Variants in POU6F2 observed in about 807,000 individuals in gnomAD.
The protein encoded by POU6F2 is POU domain, class 6, transcription factor 2.
Under a neutral mutation model 71.3 loss-of-function variants are expected in POU6F2, and 31 were observed. The ratio of observed to expected loss-of-function variants is 0.43; its 90% confidence interval spans 0.33 to 0.59. The LOEUF (loss-of-function observed/expected upper bound fraction) is 0.59. Among genes scored for constraint, POU6F2 ranks in the 20% least tolerant of loss-of-function variants. POU6F2 has a pLI of 0.04. For missense variants in POU6F2, 783 were observed against 856.8 expected, an observed-to-expected ratio of 0.91 and a Z score of 1.07; for synonymous variants, 347 against 355.7, an observed-to-expected ratio of 0.98 and a Z score of 0.27.
intron 2 of POU6F2, among the ~76,000 whole-genome samples, chr7:39,144,998 G>T (rs1447412685): frequency 6.6e-6 from 1 of 152,210 alleles, no homozygotes; most frequent in Non-Finnish European, 1.5e-5. Flanking sequence ...CTTCTGCAAT[G>T]AACGCTTTCA....
At chr7:39,257,863 C>G (rs545914702) in intron 4 of POU6F2, among the ~76,000 whole-genome samples, 10 of 151,828 alleles carry the variant, frequency 6.6e-5, no homozygotes, top group South Asian at 4.2e-4. Context: ...CACACTTACT[C>G]TACATTTTTC....
intron 7 of POU6F2, among the ~76,000 whole-genome samples, chr7:39,442,062 G>C (rs2237386): frequency 2.8e-4 from 43 of 152,044 alleles, no homozygotes; most frequent in Non-Finnish European, 5.6e-4. Flanking sequence ...ATCCAACCAC[G>C]AAAACAAACC....
At position 39,163,702 on chromosome 7, in the gene POU6F2, A is replaced by T. The variant is rs186230956; in HGVS notation, c.278-40533A>T. Among the ~76,000 whole-genome samples the T allele has an allele frequency of 1.6e-3, 249 of 152,348 alleles. 3 individuals are homozygous for T. The highest frequency in any genetic ancestry group is 5.6e-3 in the African/African-American group (232 of 41,582). ...GAAATGAAATCAGTATGTTGAAGAGATGTCTGCACTCCCATGTTCATTGTA... is the reference window on the plus strand; with the variant it reads ...GAAATGAAATCAGTATGTTGAAGAGTTGTCTGCACTCCCATGTTCATTGTA... On this transcript the variant is annotated intron_variant, in intron 2 of 9. Transcript: ENST00000518318.
chr7:39,327,202 C>T (rs1217698080), intron 4 of POU6F2, among the ~76,000 whole-genome samples: 1 of 151,546 alleles, frequency 6.6e-6, no homozygotes, highest in East Asian at 1.9e-4. Flanking sequence ...TGGCGTGAAC[C>T]CAGGAGGTGG....
chr7:38,997,607 A>G (rs1341582271), intron 1 of POU6F2, among the ~76,000 whole-genome samples: 1 of 152,164 alleles, frequency 6.6e-6, no homozygotes, highest in Non-Finnish European at 1.5e-5. Flanking sequence ...ATTACCCCCT[A>G]TGTAGATATG....
At chr7:39,256,283 G>A (rs937432529) in intron 4 of POU6F2, among the ~76,000 whole-genome samples, 14 of 152,140 alleles carry the variant, frequency 9.2e-5, no homozygotes, top group African/African-American at 3.4e-4. Context: ...CAAGAAGGGT[G>A]GAATCTGGTG....
At chr7:39,363,048 C>CCCGTAGATGCTATAAAGAGGTCAGACTG (rs1786425904) in intron 5 of POU6F2, among the ~76,000 whole-genome samples, 2 of 152,106 alleles carry the variant, frequency 1.3e-5, no homozygotes, top group Non-Finnish European at 2.9e-5. Context: ...AACACGAACA[C>CCCGTAGATGCTATAAAGAGGTCAGACTG]CCGTAGATGC....
chr7:39,197,476 A>G lies in POU6F2; in HGVS notation c.278-6759A>G, dbSNP rs1312323745. On this transcript the variant is annotated intron_variant, in intron 2 of 9. Coordinates refer to ENST00000518318, the MANE Select transcript of POU6F2 (RefSeq NM_001370959.1). ...ACAAATTATTTAACCCCATTGGCAC[A>G]GGGTTGAGCAAGGACGAAGCAAGAG... Among the ~76,000 whole-genome samples, 4 of 152,238 alleles carry G rather than the reference A, an allele frequency of 2.6e-5. No individual in the cohort carries two copies. The South Asian group carries it at 8.3e-4, about 31-fold the overall frequency.
rs1276905235 is a variant in POU6F2, at chr7:39,336,234, C to A, written c.599-3408C>A. ...AAGTATATTTTCAGTTTTGTCCAAC[C>A]ATTTCCACTGTCTAGTTTCAGAATT... On this transcript the variant is annotated intron_variant, in intron 4 of 9. Coordinates refer to ENST00000518318, the MANE Select transcript of POU6F2 (RefSeq NM_001370959.1). Among the ~76,000 whole-genome samples the A allele has an allele frequency of 2.0e-5, 3 of 152,264 alleles. No individual in the cohort carries two copies. The East Asian group carries it at 5.8e-4, about 29-fold the overall frequency.
At chr7:39,343,585 C>T (rs1274690608) in intron 5 of POU6F2, among the ~76,000 whole-genome samples, 1 of 151,858 alleles carries the variant, frequency 6.6e-6, no homozygotes, top group Non-Finnish European at 1.5e-5. Flanking sequence ...TTATAAAAGC[C>T]CTATTGTGCA....
intron 1 of POU6F2, among the ~76,000 whole-genome samples, chr7:39,016,561 C>G (rs183295356): frequency 4.6e-5 from 7 of 152,028 alleles, no homozygotes; most frequent in African/African-American, 7.3e-5. Flanking sequence ...GCTCCCCCCC[C>G]GCTTACAGTT....
chr7:39,207,660 G>T, intron 4 of POU6F2, 40 bp downstream of exon 4: 1 of 1,566,946 alleles, frequency 6.4e-7, no homozygotes. Context: ...GGCTCTACCC[G>T]TTGGCCAGTA....
At position 39,464,287 on chromosome 7, in the gene POU6F2, CA is replaced by C; in HGVS notation, c.1765del (p.Arg589GlyfsTer37). On this transcript the variant is annotated frameshift_variant, in exon 10 of 10. Transcript: ENST00000518318. LOFTEE classifies it high-confidence loss of function. The surrounding 1 kb of genome is among the most constrained non-coding windows in gnomAD (Gnocchi z 4.1). ...TGAACCCTGGCCTTTTGTATCCTGCCAGGTTTGAAAAGCTGGACATCACCCC... is the reference window on the plus strand; with the variant it reads ...TGAACCCTGGCCTTTTGTATCCTGCCGGTTTGAAAAGCTGGACATCACCCC... ...KLNPGLLYPA[R>X]FEKLDITPKS... 1 of 1,614,018 alleles carries C rather than the reference CA, an allele frequency of 6.2e-7. No individual in the cohort carries two copies. Among genetic ancestry groups the C allele is most frequent in the Non-Finnish European group, 8.5e-7 (1 of 1,179,894 alleles).
chr7:39,069,785 A>G (rs1029123795), intron 1 of POU6F2, among the ~76,000 whole-genome samples: 2 of 152,230 alleles, frequency 1.3e-5, no homozygotes, highest in Non-Finnish European at 2.9e-5. Context: ...GTGGATTATC[A>G]TAAACGTATT....
intron 1 of POU6F2, among the ~76,000 whole-genome samples, chr7:38,999,999 T>C (rs1438684094): frequency 6.6e-6 from 1 of 152,224 alleles, no homozygotes; most frequent in African/African-American, 2.4e-5. Flanking sequence ...TTTCTGTTCA[T>C]AATGAGAGAT....
chr7:39,277,427 C>A (rs998300695), intron 4 of POU6F2, among the ~76,000 whole-genome samples: 1 of 152,166 alleles, frequency 6.6e-6, no homozygotes, highest in South Asian at 2.1e-4. Flanking sequence ...TTTGGAGTCC[C>A]CAGCATCTAT....
chr7:39,054,635 C>T lies in POU6F2; in HGVS notation c.106-31225C>T, dbSNP rs951781262. 2.6e-5 allele frequency among the ~76,000 whole-genome samples: 4 copies of T among 151,800 alleles called. No homozygotes were observed. In the South Asian group the frequency reaches 6.2e-4, roughly 24 times the overall value. On this transcript the variant is annotated intron_variant, in intron 1 of 9. Transcript: ENST00000518318. ...TTAAGAGGAAGGAGTTACAATGGCT[C>T]AGAAAAGGCTTCTTTGAGGAAGGTT...
chr7:39,016,033 A>T (rs1416066997), intron 1 of POU6F2, among the ~76,000 whole-genome samples: 9 of 59,492 alleles, frequency 1.5e-4, no homozygotes, highest in Admixed American at 2.9e-4. Flanking sequence ...TTATATATAG[A>T]TATATATTAT....
At chr7:39,316,379 C>A (rs10447663) in intron 4 of POU6F2, among the ~76,000 whole-genome samples, 103,436 of 151,982 alleles carry the variant, frequency 0.68, 35,248 homozygotes, top group Admixed American at 0.77. Context: ...CACTCGTCCC[C>A]AACATATCCA....
Sources: gnomAD v4.1 joint callset for allele counts (sites outside exome capture counted in the v4.1 genomes callset) on GRCh38, gnomAD v4.1.1 for gene constraint, Gnocchi (gnomAD v3.1) non-coding constraint, MANE v1.5 for transcripts, NCBI Gene and HGNC (gene_info 2026-07-23, HGNC 2026-07-21) for gene names.